Variants in CCDC178 observed in about 807,000 individuals in gnomAD.
CCDC178 encodes coiled-coil domain-containing protein 178.
A neutral mutation model predicts 117.4 loss-of-function variants in CCDC178; 126 were observed. That is an observed-to-expected ratio of 1.07 (90% confidence interval 0.93 to 1.24). CCDC178 has a LOEUF of 1.24. CCDC178 is among the 50% of genes most tolerant of loss of function. CCDC178 has a pLI of 0.00. For missense variants in CCDC178, 1,030 were observed against 986.9 expected (o/e 1.04, Z -0.59); for synonymous variants, 283 against 313.4 (o/e 0.90, Z 1.02).
chr18:33,160,374 G>A (rs1393208104), intron 20 of CCDC178, among the ~76,000 whole-genome samples: 1 of 151,896 alleles, frequency 6.6e-6, no homozygotes, highest in Admixed American at 6.6e-5. Flanking sequence ...CACGTTTTTG[G>A]TAAATAATCT....
chr18:33,293,605 T>C (rs1386492559), intron 11 of CCDC178, among the ~76,000 whole-genome samples: 1 of 152,106 alleles, frequency 6.6e-6, no homozygotes, highest in Non-Finnish European at 1.5e-5. Flanking sequence ...GTTGAGGCTG[T>C]AGTGAGCTGT....
intron 14 of CCDC178, among the ~76,000 whole-genome samples, chr18:33,251,820 C>T (rs2059621369): frequency 6.6e-6 from 1 of 151,696 alleles, no homozygotes; most frequent in Non-Finnish European, 1.5e-5. Flanking sequence ...GGCTACTTAG[C>T]ATACTTGTGT....
At chr18:33,242,616 C>CA (rs71159806) in intron 15 of CCDC178, among the ~76,000 whole-genome samples, 126,051 of 150,562 alleles carry the variant, frequency 0.84, 53,311 homozygotes, top group South Asian at 0.92. Context: ...AGATATTTTT[C>CA]AAAAAAAAAT....
At chr18:33,024,448 A>T (rs1598800391) in intron 21 of CCDC178, among the ~76,000 whole-genome samples, 2 of 152,126 alleles carry the variant, frequency 1.3e-5, no homozygotes, top group Admixed American at 1.3e-4. Flanking sequence ...TCTTATAAGG[A>T]CACCAGCCAT....
chr18:33,102,532 A>G (rs1229671381), intron 20 of CCDC178, among the ~76,000 whole-genome samples: 1 of 151,656 alleles, frequency 6.6e-6, no homozygotes, highest in Admixed American at 6.6e-5. Context: ...TTCAGCAAAT[A>G]ATTTGCAGTC....
intron 20 of CCDC178, among the ~76,000 whole-genome samples, chr18:33,190,545 G>T (rs779871639): frequency 1.7e-4 from 26 of 152,116 alleles, no homozygotes; most frequent in Non-Finnish European, 3.4e-4. Flanking sequence ...AAGTATATGT[G>T]TTTACTGTGA....
At chr18:33,268,097 T>C (rs1437093923) in intron 12 of CCDC178, among the ~76,000 whole-genome samples, 2 of 151,762 alleles carry the variant, frequency 1.3e-5, no homozygotes, top group Admixed American at 1.3e-4. Flanking sequence ...TCTCCCAACA[T>C]TACTGTAAAA....
At chr18:33,237,288 A>G (rs1284004840) in intron 15 of CCDC178, among the ~76,000 whole-genome samples, 1 of 152,038 alleles carries the variant, frequency 6.6e-6, no homozygotes. Context: ...CTCCACCCCC[A>G]GCACTTCCAT....
chr18:32,975,507 G>T (rs530990829), intron 21 of CCDC178, among the ~76,000 whole-genome samples: 2 of 152,212 alleles, frequency 1.3e-5, no homozygotes, highest in South Asian at 4.1e-4. Flanking sequence ...ACGCCATACA[G>T]AATTATTATA....
intron 20 of CCDC178, among the ~76,000 whole-genome samples, chr18:33,203,108 T>C (rs1391947982): frequency 6.6e-6 from 1 of 152,188 alleles, no homozygotes; most frequent in Non-Finnish European, 1.5e-5. Context: ...TCTTTTCCTA[T>C]ATTAAGGTAT....
At chr18:32,978,203 A>ATTTTTTTTTTTTTTT (rs34863142) in intron 21 of CCDC178, among the ~76,000 whole-genome samples, 3 of 90,042 alleles carry the variant, frequency 3.3e-5, no homozygotes, top group African/African-American at 1.2e-4. Context: ...CTCAAAAAAG[A>ATTTTTTTTTTTTTTT]TTTTTTTTTT....
chr18:33,282,942 A>T (rs1326062509), intron 12 of CCDC178, among the ~76,000 whole-genome samples: 1 of 152,178 alleles, frequency 6.6e-6, no homozygotes, highest in Non-Finnish European at 1.5e-5. Flanking sequence ...TGCCCAGACC[A>T]GCACTCTGGC....
At chr18:33,143,248 T>C (rs1598926558) in intron 20 of CCDC178, among the ~76,000 whole-genome samples, 1 of 152,064 alleles carries the variant, frequency 6.6e-6, no homozygotes, top group East Asian at 1.9e-4. Context: ...AAATACAGAG[T>C]TTGAGACCAT....
chr18:33,314,451 T>C (rs544017872), intron 11 of CCDC178, among the ~76,000 whole-genome samples: 27 of 152,220 alleles, frequency 1.8e-4, no homozygotes, highest in Non-Finnish European at 2.9e-4. Context: ...TCATCGCTCA[T>C]GGATTTTGTA....
intron 15 of CCDC178, among the ~76,000 whole-genome samples, chr18:33,230,082 A>G (rs1406861405): frequency 6.6e-6 from 1 of 152,204 alleles, no homozygotes; most frequent in Non-Finnish European, 1.5e-5. Context: ...CTATTTTATA[A>G]TAACATGTTG....
intron 20 of CCDC178, among the ~76,000 whole-genome samples, chr18:33,191,188 A>T (rs984367772): frequency 6.6e-6 from 1 of 152,140 alleles, no homozygotes; most frequent in Non-Finnish European, 1.5e-5. Flanking sequence ...GGATGCCACC[A>T]TAGTGGTACT....
chr18:33,061,856 T>C (rs535493165), intron 21 of CCDC178, among the ~76,000 whole-genome samples: 9 of 152,292 alleles, frequency 5.9e-5, no homozygotes, highest in Non-Finnish European at 1.0e-4. Flanking sequence ...AAGACATGCA[T>C]TGGTTTAGTG....
intron 11 of CCDC178, among the ~76,000 whole-genome samples, chr18:33,308,755 T>G (rs1055210256): frequency 1.9e-4 from 29 of 152,250 alleles, no homozygotes; most frequent in African/African-American, 7.0e-4. Context: ...GCGAGTAAGC[T>G]CTCACAAGAT....
chr18:33,297,690 C>T (rs2062123151), intron 11 of CCDC178, among the ~76,000 whole-genome samples: 1 of 152,082 alleles, frequency 6.6e-6, no homozygotes, highest in Admixed American at 6.6e-5. Context: ...AAAAAGTCTT[C>T]CCCCCAAAAA....
Sources: gnomAD v4.1 joint callset for allele counts (sites outside exome capture counted in the v4.1 genomes callset) on GRCh38, gnomAD v4.1.1 for gene constraint, MANE v1.5 for transcripts, NCBI Gene and HGNC (gene_info 2026-07-23, HGNC 2026-07-21) for gene names.